Variants in KYNU observed in about 807,000 individuals in gnomAD.
KYNU encodes L-kynurenine hydrolase.
A neutral mutation model predicts 59.2 loss-of-function variants in KYNU; 54 were observed. That is an observed-to-expected ratio of 0.91 (90% CI 0.73 to 1.14). The LOEUF (loss-of-function observed/expected upper bound fraction) is 1.14. Among genes scored for constraint, KYNU ranks in the 50% most tolerant of loss-of-function variants. The pLI is 0.00. For missense variants in KYNU, 567 were observed against 554.4 expected, an observed-to-expected ratio of 1.02 and a Z score of -0.23; for synonymous variants, 177 against 192.0, an observed-to-expected ratio of 0.92 and a Z score of 0.65.
At chr2:142,961,410 C>T (rs889743754) in intron 8 of KYNU, among the ~76,000 whole-genome samples, 1 of 151,172 alleles carries the variant, frequency 6.6e-6, no homozygotes, top group Non-Finnish European at 1.5e-5. Context: ...TGGTCAGTCA[C>T]CAGGAAGCAG....
intron 10 of KYNU, among the ~76,000 whole-genome samples, chr2:143,003,550 C>T (rs1685772848): frequency 6.6e-6 from 1 of 152,172 alleles, no homozygotes; most frequent in Admixed American, 6.5e-5. Context: ...CCACTGCACT[C>T]CAGCCTGGGT....
chr2:142,944,247 A>ATAAT (rs1683701095), intron 4 of KYNU, among the ~76,000 whole-genome samples: 1 of 152,228 alleles, frequency 6.6e-6, no homozygotes, highest in Admixed American at 6.5e-5. Context: ...GCATGCTGAA[A>ATAAT]TAATACAAGT....
chr2:143,042,341 C>T lies in KYNU; in HGVS notation c.*169C>T. 1 of 678,136 alleles carries T rather than the reference C, an allele frequency of 1.5e-6. No homozygotes were observed. The highest frequency in any genetic ancestry group is 1.9e-5 in the South Asian group (1 of 53,196). The allele number at this position is 678,136 out of a possible 1,614,324, so 42.0% of individuals were successfully genotyped here. On this transcript the variant is annotated 3_prime_UTR_variant, in exon 14 of 14. Transcript: ENST00000264170. Reference sequence around the variant, plus strand: ...ATATAATTTTTCAGAGTCTGTGGCACTAAGGAGTCCACAGGGCTGCCTAGG... The same window carrying T: ...ATATAATTTTTCAGAGTCTGTGGCATTAAGGAGTCCACAGGGCTGCCTAGG...
intron 8 of KYNU, among the ~76,000 whole-genome samples, chr2:142,975,317 A>G (rs1194288781): frequency 6.6e-6 from 1 of 152,142 alleles, no homozygotes; most frequent in East Asian, 1.9e-4. Flanking sequence ...GCTCCAGGGG[A>G]AAATTAGCTA....
At chr2:143,010,117 A>T (rs1686045747) in intron 10 of KYNU, among the ~76,000 whole-genome samples, 1 of 142,808 alleles carries the variant, frequency 7.0e-6, no homozygotes, top group Non-Finnish European at 1.5e-5. Flanking sequence ...GAGGAAGTCA[A>T]ATTGTCCCTG....
At chr2:142,888,332 C>A (rs1681585913) in intron 2 of KYNU, among the ~76,000 whole-genome samples, 1 of 152,024 alleles carries the variant, frequency 6.6e-6, no homozygotes, top group Non-Finnish European at 1.5e-5. Context: ...ATGGCATGTG[C>A]TTTTACTGCC....
At chr2:142,884,688 CTTTTTT>C (rs70997529) in intron 1 of KYNU, among the ~76,000 whole-genome samples, 10 of 77,024 alleles carry the variant, frequency 1.3e-4, no homozygotes, top group Non-Finnish European at 9.7e-5. Context: ...TTCTCTTTTC[CTTTTTT>C]TTTTTTTTTT....
intron 10 of KYNU, among the ~76,000 whole-genome samples, chr2:142,999,487 G>T (rs1204516030): frequency 6.6e-6 from 1 of 152,054 alleles, no homozygotes; most frequent in Non-Finnish European, 1.5e-5. Context: ...AAACTTGTTT[G>T]ATTATTTTTA....
intron 8 of KYNU, among the ~76,000 whole-genome samples, chr2:142,969,020 A>C (rs1361202056): frequency 6.6e-6 from 1 of 152,154 alleles, no homozygotes; most frequent in East Asian, 1.9e-4. Context: ...TTTTTATCTC[A>C]GGGGAAATCA....
Position 142,960,782 on chromosome 2 carries a change from A to AT in KYNU, c.729+15dup. The AT allele has an allele frequency of 1.2e-6, 2 of 1,613,508 alleles. No individual in the cohort carries two copies. The highest frequency in any genetic ancestry group is 4.5e-5 in the East Asian group (2 of 44,870). On this transcript the variant is annotated intron_variant, in intron 8 of 13. Coordinates refer to ENST00000264170, the MANE Select transcript of KYNU (RefSeq NM_003937.3). ...CTGGACAAGCGAAGGTATGCACGCC[A>AT]TTTACTTCTTCCCACCTTACTCCAA...
chr2:143,013,161 C>G (rs1230201966), intron 10 of KYNU, among the ~76,000 whole-genome samples: 3 of 152,052 alleles, frequency 2.0e-5, no homozygotes, highest in Non-Finnish European at 4.4e-5. Context: ...ACACCTGGCT[C>G]TGGCTTATTT....
chr2:143,015,138 G>A (rs1686212170), intron 10 of KYNU, among the ~76,000 whole-genome samples: 1 of 152,098 alleles, frequency 6.6e-6, no homozygotes. Context: ...CAATCCTCCT[G>A]TCTTGGCCTC....
intron 8 of KYNU, among the ~76,000 whole-genome samples, chr2:142,970,891 C>G (rs1478930201): frequency 6.6e-6 from 1 of 151,958 alleles, no homozygotes; most frequent in African/African-American, 2.4e-5. Context: ...TTTGTGCCTC[C>G]TTGTCTTCCT....
At chr2:142,915,597 A>C (rs1393156671) in intron 2 of KYNU, among the ~76,000 whole-genome samples, 1 of 152,176 alleles carries the variant, frequency 6.6e-6, no homozygotes, top group Non-Finnish European at 1.5e-5. Context: ...GATGCACTAA[A>C]ATGCTCCTCA....
At chr2:143,038,541 G>C (rs1173038332) in intron 12 of KYNU, among the ~76,000 whole-genome samples, 1 of 152,142 alleles carries the variant, frequency 6.6e-6, no homozygotes, top group Non-Finnish European at 1.5e-5. Flanking sequence ...TTGTACTGCA[G>C]ATCTCTCTCG....
At chr2:143,026,325 A>T (rs1003126143) in intron 10 of KYNU, among the ~76,000 whole-genome samples, 2 of 152,190 alleles carry the variant, frequency 1.3e-5, no homozygotes, top group Admixed American at 1.3e-4. Flanking sequence ...AGATATTCAG[A>T]TGGTTTCGAC....
intron 10 of KYNU, among the ~76,000 whole-genome samples, chr2:143,016,575 A>G (rs1329387167): frequency 6.6e-6 from 1 of 152,112 alleles, no homozygotes; most frequent in East Asian, 1.9e-4. Context: ...TTTTTCTCCC[A>G]GTTTACCCCC....
rs114552501 is a variant in KYNU, at chr2:142,921,142, G to A, written c.290+2413G>A. On this transcript the variant is annotated intron_variant, in intron 3 of 13. Coordinates refer to ENST00000264170, the MANE Select transcript of KYNU (RefSeq NM_003937.3). ...TAGTTTGATGAACAGCCATGGGTAA[G>A]GGTTTATATACCAGCTTGACTAAAG... 3.1e-3 allele frequency among the ~76,000 whole-genome samples: 466 copies of A among 152,280 alleles called. 5 individuals are homozygous for A. Among genetic ancestry groups the A allele is most frequent in the African/African-American group, 0.01 (426 of 41,562 alleles).
At chr2:142,979,400 T>G (rs910213309) in intron 8 of KYNU, among the ~76,000 whole-genome samples, 3 of 152,164 alleles carry the variant, frequency 2.0e-5, no homozygotes, top group African/African-American at 7.2e-5. Context: ...GGGTTCATAC[T>G]GTGTGAGAGA....
Sources: allele counts gnomAD v4.1 joint callset (sites outside exome capture counted in the v4.1 genomes callset), GRCh38; gene constraint gnomAD v4.1.1; transcripts MANE v1.5; gene names NCBI Gene and HGNC (gene_info 2026-07-23, HGNC 2026-07-21).